Variants in FRMPD4 observed in about 807,000 individuals in gnomAD.
FRMPD4 encodes FERM and PDZ domain containing 4.
In FRMPD4, 22 loss-of-function variants were observed where a neutral mutation model predicts 94.1. The observed-to-expected ratio is 0.23, with a 90% CI of 0.17 to 0.33. The LOEUF is 0.33. Ranked by LOEUF, FRMPD4 falls within the 10% of genes least tolerant of loss-of-function variation. The pLI, the probability that FRMPD4 is intolerant of heterozygous loss-of-function variation, is 1.00. For missense variants in FRMPD4, 1,111 were observed against 1,339.9 expected (o/e 0.83, Z 2.67); for synonymous variants, 631 against 548.6 (o/e 1.15, Z -2.10).
At chrX:12,437,629 A>G (rs979376087) in intron 1 of FRMPD4, among the ~76,000 whole-genome samples, 2 of 111,314 alleles carry the variant, frequency 1.8e-5, no homozygotes, top group African/African-American at 6.5e-5. Context: ...TCAGCCCTTT[A>G]AAGGTGTTAC....
chrX:12,053,873 AT>A (rs1302736284), intron 3 of FRMPD4, among the ~76,000 whole-genome samples: 1 of 112,454 alleles, frequency 8.9e-6, no homozygotes, highest in Non-Finnish European at 1.9e-5. Flanking sequence ...TTAAACTTGT[AT>A]ATTTTTGTGC....
At chrX:12,365,403 G>T (rs776101590) in intron 1 of FRMPD4, among the ~76,000 whole-genome samples, 1 of 111,561 alleles carries the variant, frequency 9.0e-6, no homozygotes, top group South Asian at 3.8e-4. Flanking sequence ...TTGCAGATAA[G>T]ATAGAGCTCT....
At chrX:12,015,382 T>G (rs2054599877) in intron 3 of FRMPD4, among the ~76,000 whole-genome samples, 1 of 111,785 alleles carries the variant, frequency 8.9e-6, no homozygotes, top group Non-Finnish European at 1.9e-5. Context: ...GATAATTCTT[T>G]TGTGATCATT....
intron 1 of FRMPD4, among the ~76,000 whole-genome samples, chrX:12,327,284 G>T (rs190518066): frequency 3.4e-4 from 38 of 112,711 alleles, no homozygotes; most frequent in African/African-American, 1.2e-3. Flanking sequence ...GAAGTTTATA[G>T]TTTAGAAATC....
In FRMPD4 at chrX:12,578,335, CT is replaced by C. The variant is rs774920040; in HGVS notation, c.159-31383del. ...CAGTAAGATCAGATTGCAGTGAGAT[CT>C]TTCTAGGATGTGCCTTGGTGACTAG... On this transcript the variant is annotated intron_variant, in intron 2 of 16. Coordinates refer to ENST00000675598, the MANE Select transcript of FRMPD4 (RefSeq NM_001368397.1). Among the ~76,000 whole-genome samples, 164 of 112,202 alleles carry C rather than the reference CT, an allele frequency of 1.5e-3. 2 individuals carry two copies. Among genetic ancestry groups the C allele is most frequent in the Middle Eastern group, 4.6e-3 (1 of 219 alleles).
At chrX:12,139,550 TTG>T (rs201753838) in intron 1 of FRMPD4, among the ~76,000 whole-genome samples, 9,653 of 95,328 alleles carry the variant, frequency 0.1, 951 homozygotes, top group East Asian at 0.61. Flanking sequence ...CTTTTTTTTT[TTG>T]GGGGGGGGGT....
At chrX:12,139,693 C>T (rs1446180635) in intron 1 of FRMPD4, among the ~76,000 whole-genome samples, 5 of 111,908 alleles carry the variant, frequency 4.5e-5, no homozygotes, top group Non-Finnish European at 9.4e-5. Flanking sequence ...AACATTTCCA[C>T]GCTTGGGCCG....
intron 4 of FRMPD4, among the ~76,000 whole-genome samples, chrX:12,636,263 CT>C (rs2059442466): frequency 9.0e-6 from 1 of 111,363 alleles, no homozygotes; most frequent in Non-Finnish European, 1.9e-5. Context: ...CCTTTCATCT[CT>C]TTTTTATTGT....
chrX:12,009,135 T>C (rs756831406), intron 3 of FRMPD4, among the ~76,000 whole-genome samples: 1 of 112,292 alleles, frequency 8.9e-6, no homozygotes, highest in East Asian at 2.8e-4. Context: ...GCCATTTCAG[T>C]AGATCTTGTG....
intron 1 of FRMPD4, among the ~76,000 whole-genome samples, chrX:12,328,906 G>A (rs1433825025): frequency 8.9e-6 from 1 of 111,751 alleles, no homozygotes; most frequent in African/African-American, 3.3e-5. Flanking sequence ...GGTGCCAAGG[G>A]AGAGCTTTCC....
At chrX:12,679,084 C>A (rs778063499) in intron 5 of FRMPD4, among the ~76,000 whole-genome samples, 1 of 112,305 alleles carries the variant, frequency 8.9e-6, no homozygotes, top group Admixed American at 9.4e-5. Context: ...CTATCAGAGC[C>A]CAGACCATAT....
chrX:12,448,638 A>G lies in FRMPD4; in HGVS notation c.42-50042A>G, dbSNP rs758203934. Among the ~76,000 whole-genome samples, 6 of 112,645 alleles carry G rather than the reference A, an allele frequency of 5.3e-5. No homozygotes were observed. In the South Asian group the frequency reaches 1.5e-3, roughly 28 times the overall value. On this transcript the variant is annotated intron_variant, in intron 1 of 16. Coordinates refer to ENST00000675598, the MANE Select transcript of FRMPD4 (RefSeq NM_001368397.1). Reference sequence around the variant, plus strand: ...AATGGGTTTGTTTTTTTGTGCAAGGAAGACTAATAGGAATTATTGCTATCT... The same window carrying G: ...AATGGGTTTGTTTTTTTGTGCAAGGGAGACTAATAGGAATTATTGCTATCT...
intron 2 of FRMPD4, among the ~76,000 whole-genome samples, chrX:12,506,352 G>T (rs374683891): frequency 3.6e-4 from 40 of 111,132 alleles, no homozygotes; most frequent in East Asian, 3.1e-3. Context: ...GCAATGACAC[G>T]ATCTCGGCTC....
chrX:11,902,233 G>A lies in FRMPD4; in HGVS notation c.95+24215G>A, dbSNP rs147239388. On this transcript the variant is annotated intron_variant, in intron 3 of 18. Coordinates refer to the FRMPD4 transcript ENST00000640291. ...GACAAATTATTAAATTGCTGTCTTT[G>A]TCAGCTTGGCTGCTATAACAAAATG... Among the ~76,000 whole-genome samples, 208 of 112,499 alleles carry A rather than the reference G, an allele frequency of 1.8e-3. 1 individual carries two copies. The highest frequency in any genetic ancestry group is 6.7e-3 in the African/African-American group (206 of 30,960).
chrX:12,095,859 T>C (rs1420542529), intron 3 of FRMPD4, among the ~76,000 whole-genome samples: 2 of 112,412 alleles, frequency 1.8e-5, no homozygotes, highest in East Asian at 5.6e-4. Flanking sequence ...GGATTATCCA[T>C]TCTCAGACCT....
At chrX:11,872,241 C>G (rs1201198441) in intron 2 of FRMPD4, among the ~76,000 whole-genome samples, 1 of 112,122 alleles carries the variant, frequency 8.9e-6, no homozygotes, top group Non-Finnish European at 1.9e-5. Context: ...CATGGTTAGA[C>G]AGGTTTTTGA....
At chrX:12,585,169 C>T (rs1479922000) in intron 2 of FRMPD4, among the ~76,000 whole-genome samples, 1 of 110,359 alleles carries the variant, frequency 9.1e-6, no homozygotes, top group Non-Finnish European at 1.9e-5. Context: ...CTGCGCACTT[C>T]GGCCTCCCAA....
At chrX:12,102,343 G>A (rs964362456) in intron 3 of FRMPD4, among the ~76,000 whole-genome samples, 1 of 111,662 alleles carries the variant, frequency 9.0e-6, no homozygotes, top group African/African-American at 3.3e-5. Context: ...AAGGAAAGCC[G>A]TCACCGTGTT....
At chrX:11,856,512 T>A (rs748063734) in intron 1 of FRMPD4, among the ~76,000 whole-genome samples, 1 of 109,471 alleles carries the variant, frequency 9.1e-6, no homozygotes, top group Admixed American at 9.5e-5. Flanking sequence ...CATCCATTAA[T>A]GTTAAAAAAA....
Sources: gnomAD v4.1 joint callset for allele counts (sites outside exome capture counted in the v4.1 genomes callset) on GRCh38, gnomAD v4.1.1 for gene constraint, MANE v1.5 for transcripts, NCBI Gene and HGNC (gene_info 2026-07-23, HGNC 2026-07-21) for gene names.